NTRK3: variants seen among roughly 807,000 people sequenced by gnomAD.
NTRK3 encodes NT-3 growth factor receptor.
A neutral mutation model predicts 91.7 loss-of-function variants in NTRK3; 24 were observed. The observed-to-expected ratio is 0.26, with a 90% CI of 0.19 to 0.37. NTRK3 has a LOEUF of 0.37. NTRK3 is among the 10% of genes least tolerant of loss of function. NTRK3 has a pLI of 1.00. For synonymous variants in NTRK3, 483 were observed against 404.0 expected (o/e 1.20, Z -2.34); for missense variants, 880 against 1,068.9 (o/e 0.82, Z 2.46).
At chr15:88,210,301 C>T (rs1194529913) in intron 3 of NTRK3, among the ~76,000 whole-genome samples, 4 of 152,128 alleles carry the variant, frequency 2.6e-5, no homozygotes, top group Non-Finnish European at 5.9e-5. Flanking sequence ...AGAAGCAATT[C>T]GAAGAGCAGC....
At chr15:87,942,831 G>T (rs895601507) in intron 14 of NTRK3, among the ~76,000 whole-genome samples, 1 of 152,182 alleles carries the variant, frequency 6.6e-6, no homozygotes, top group Non-Finnish European at 1.5e-5. Context: ...CCTCCAAAAT[G>T]TAGGCTGTGT....
intron 17 of NTRK3, among the ~76,000 whole-genome samples, chr15:87,888,451 C>A (rs2065672742): frequency 6.6e-6 from 1 of 152,152 alleles, no homozygotes; most frequent in Admixed American, 6.5e-5. Flanking sequence ...CAACTACAAA[C>A]CAAGAACTTA....
intron 10 of NTRK3, among the ~76,000 whole-genome samples, chr15:88,133,003 G>C (rs2041516718): frequency 6.6e-6 from 1 of 152,160 alleles, no homozygotes; most frequent in South Asian, 2.1e-4. Flanking sequence ...AAAGGAGGGA[G>C]TACTGGAGTC....
intron 17 of NTRK3, among the ~76,000 whole-genome samples, chr15:87,917,018 C>G (rs921087116): frequency 6.6e-6 from 1 of 152,206 alleles, no homozygotes; most frequent in Non-Finnish European, 1.5e-5. Flanking sequence ...CCCGCCTGGG[C>G]CACCCAAAGT....
At chr15:88,014,255 A>G (rs1428039455) in intron 14 of NTRK3, among the ~76,000 whole-genome samples, 4 of 152,214 alleles carry the variant, frequency 2.6e-5, no homozygotes, top group Non-Finnish European at 5.9e-5. Context: ...AAAAACATCA[A>G]CTTTGGGGAA....
intron 13 of NTRK3, among the ~76,000 whole-genome samples, chr15:88,054,647 A>G (rs1262436949): frequency 6.6e-6 from 1 of 152,178 alleles, no homozygotes; most frequent in East Asian, 1.9e-4. Context: ...TTGGTAGCTA[A>G]CATTATGAGG....
intron 13 of NTRK3, among the ~76,000 whole-genome samples, chr15:88,080,784 G>C (rs1335744316): frequency 6.6e-6 from 1 of 152,228 alleles, no homozygotes; most frequent in African/African-American, 2.4e-5. Flanking sequence ...CAGAGGTGGA[G>C]AGCAGCAGGC....
intron 3 of NTRK3, among the ~76,000 whole-genome samples, chr15:88,218,795 A>G (rs951702188): frequency 6.6e-6 from 1 of 152,242 alleles, no homozygotes; most frequent in Non-Finnish European, 1.5e-5. Context: ...GGAGGCCCTG[A>G]TGCCGCATTA....
At chr15:88,182,310 G>GA (rs1157704550) in intron 5 of NTRK3, among the ~76,000 whole-genome samples, 4 of 151,460 alleles carry the variant, frequency 2.6e-5, no homozygotes, top group African/African-American at 9.7e-5. Flanking sequence ...CCCCAAAAAA[G>GA]AAAAAACAAC....
chr15:88,079,412 G>A (rs942636828), intron 13 of NTRK3, among the ~76,000 whole-genome samples: 2 of 152,176 alleles, frequency 1.3e-5, no homozygotes, highest in Admixed American at 6.5e-5. Context: ...GCTTCCAGAA[G>A]TTTAGGAGGC....
At chr15:88,049,092 T>A (rs16941171) in intron 13 of NTRK3, among the ~76,000 whole-genome samples, 1 of 152,122 alleles carries the variant, frequency 6.6e-6, no homozygotes, top group African/African-American at 2.4e-5. Flanking sequence ...CTGTGCCTGA[T>A]AGAAGATGCA....
chr15:88,243,113 T>C lies in NTRK3; in HGVS notation c.248+12793A>G, dbSNP rs1294687659. Among the ~76,000 whole-genome samples the C allele has an allele frequency of 6.6e-6, 1 of 152,168 alleles. No homozygotes were observed. The highest frequency in any genetic ancestry group is 2.4e-5 in the African/African-American group (1 of 41,450). ...TTTGAGGAGCCCTGAGCTGAACTCCTCTTCCATTTCTTTCTTGCTCCTGAG... is the reference window on the plus strand; with the variant it reads ...TTTGAGGAGCCCTGAGCTGAACTCCCCTTCCATTTCTTTCTTGCTCCTGAG... On this transcript the variant is annotated intron_variant, in intron 3 of 18. Transcript: ENST00000394480. This position sits in a 1 kb window ranked among gnomAD's most constrained non-coding sequence, Gnocchi z 4.8.
At chr15:88,250,271 C>A (rs781091594) in intron 3 of NTRK3, among the ~76,000 whole-genome samples, 1 of 152,206 alleles carries the variant, frequency 6.6e-6, no homozygotes, top group Non-Finnish European at 1.5e-5. Flanking sequence ...AGCCTCTGGA[C>A]TTTTCCATTT....
At chr15:88,249,763 C>T (rs1447378459) in intron 3 of NTRK3, among the ~76,000 whole-genome samples, 2 of 152,142 alleles carry the variant, frequency 1.3e-5, no homozygotes, top group African/African-American at 4.8e-5. Context: ...ACACACCGGG[C>T]CACCAGGAGG....
At chr15:87,945,573 A>G (rs1388964750) in intron 14 of NTRK3, among the ~76,000 whole-genome samples, 2 of 151,876 alleles carry the variant, frequency 1.3e-5, no homozygotes, top group Non-Finnish European at 2.9e-5. Flanking sequence ...CCCTCATCCT[A>G]CCTCTGTTCC....
At chr15:87,931,329 G>A (rs2068780918) in intron 16 of NTRK3, 2 of 443,182 alleles carry the variant, frequency 4.5e-6, no homozygotes. Flanking sequence ...CCCGAATATT[G>A]AGAAAGAGTG....
Position 88,079,778 on chromosome 15 carries a change from A to C in NTRK3, c.1396+46493T>G, listed in dbSNP as rs963808924. The stretch of plus-strand genomic sequence containing the variant: ...TGGGAAACAATTTAAAATTCAAAGA[A>C]GTTTGCATTAAATCCCTAACTTGAA... On this transcript the variant is annotated intron_variant, in intron 13 of 18. Coordinates refer to ENST00000394480, the Ensembl canonical transcript of NTRK3. 5.3e-5 allele frequency among the ~76,000 whole-genome samples: 8 copies of C among 152,206 alleles called. 1 individual carries two copies. Among genetic ancestry groups the C allele is most frequent in the Non-Finnish European group, 1.2e-4 (8 of 68,040 alleles).
rs2052229738 is a variant in NTRK3, at chr15:88,240,389, C to T, written c.248+15517G>A. Among the ~76,000 whole-genome samples, 1 of 152,182 alleles carries T rather than the reference C, an allele frequency of 6.6e-6. No individual in the cohort carries two copies. Among genetic ancestry groups the T allele is most frequent in the Non-Finnish European group, 1.5e-5 (1 of 68,034 alleles). On this transcript the variant is annotated intron_variant, in intron 3 of 18. Coordinates refer to ENST00000394480, the Ensembl canonical transcript of NTRK3. This position sits in a 1 kb window ranked among gnomAD's most constrained non-coding sequence, Gnocchi z 4.9. ...CCCCATCCTGCCCTGACGCAGGGGACATTCTGTGAGGATGTGGCCAAAAAC... is the reference window on the plus strand; with the variant it reads ...CCCCATCCTGCCCTGACGCAGGGGATATTCTGTGAGGATGTGGCCAAAAAC...
chr15:87,992,685 GAC>G (rs2075382713), intron 14 of NTRK3, among the ~76,000 whole-genome samples: 1 of 152,216 alleles, frequency 6.6e-6, no homozygotes, highest in African/African-American at 2.4e-5. Context: ...AACTGGTATG[GAC>G]CCTGGTTTGT....
Sources: allele counts gnomAD v4.1 joint callset (sites outside exome capture counted in the v4.1 genomes callset), GRCh38; gene constraint gnomAD v4.1.1; non-coding constraint Gnocchi (gnomAD v3.1); transcripts MANE v1.5; gene names NCBI Gene and HGNC (gene_info 2026-07-23, HGNC 2026-07-21).